NELL2: variants seen among roughly 807,000 people sequenced by gnomAD.
NELL2 encodes neural EGFL like 2.
A neutral mutation model predicts 109.6 loss-of-function variants in NELL2; 41 were observed. That is an observed-to-expected ratio of 0.37 (90% CI 0.29 to 0.49). The LOEUF (loss-of-function observed/expected upper bound fraction) is 0.49. Among genes scored for constraint, NELL2 ranks in the 20% least tolerant of loss-of-function variants. The pLI, the probability that NELL2 is intolerant of heterozygous loss-of-function variation, is 0.98. For missense variants in NELL2, 900 were observed against 1,008.3 expected (o/e 0.89, Z 1.45); for synonymous variants, 355 against 344.7 (o/e 1.03, Z -0.33).
At chr12:44,521,566 C>T (rs895231641) in intron 18 of NELL2, among the ~76,000 whole-genome samples, 2 of 149,380 alleles carry the variant, frequency 1.3e-5, no homozygotes, top group South Asian at 2.1e-4. Flanking sequence ...GTGGGGGAGG[C>T]GGAGTTGCTT....
At chr12:44,870,142 G>A (rs1945121602) in intron 2 of NELL2, among the ~76,000 whole-genome samples, 1 of 152,134 alleles carries the variant, frequency 6.6e-6, no homozygotes, top group Admixed American at 6.5e-5. Flanking sequence ...GCCCTCAATG[G>A]CAGTTCCTTC....
intron 13 of NELL2, among the ~76,000 whole-genome samples, chr12:44,634,226 G>C (rs1438313347): frequency 6.6e-6 from 1 of 151,954 alleles, no homozygotes; most frequent in Non-Finnish European, 1.5e-5. Context: ...AGAAGGTGCA[G>C]GTTTGTTACA....
chr12:44,763,379 T>C (rs928670888), intron 9 of NELL2, among the ~76,000 whole-genome samples: 1 of 152,174 alleles, frequency 6.6e-6, no homozygotes, highest in African/African-American at 2.4e-5. Flanking sequence ...AGCATGATGC[T>C]TACCCACAAA....
chr12:44,574,226 C>T (rs146263725), intron 15 of NELL2, among the ~76,000 whole-genome samples: 6 of 152,064 alleles, frequency 3.9e-5, no homozygotes, highest in Admixed American at 6.5e-5. Context: ...CTCAGTCTCC[C>T]GAGTAGCTGG....
chr12:44,635,826 C>A (rs1946618191), intron 13 of NELL2, among the ~76,000 whole-genome samples: 1 of 152,108 alleles, frequency 6.6e-6, no homozygotes, highest in Middle Eastern at 3.2e-3. Flanking sequence ...TGAAGAAAGT[C>A]AATTGTAGCT....
chr12:44,733,708 G>GT (rs1939493538), intron 9 of NELL2, among the ~76,000 whole-genome samples: 1 of 151,698 alleles, frequency 6.6e-6, no homozygotes, highest in South Asian at 2.1e-4. Context: ...CATATTATGT[G>GT]TTTTTTATCC....
In NELL2 at chr12:44,817,415, C is replaced by T. The variant is rs180886961; in HGVS notation, c.185-1279G>A. On this transcript the variant is annotated intron_variant, in intron 2 of 19. Transcript: ENST00000429094. ...GAGAGCACACAGACCTTGAGACACT[C>T]GTATAATAGAAGAAGGGACACCTAA... Among the ~76,000 whole-genome samples the T allele has an allele frequency of 1.7e-4, 26 of 152,226 alleles. No individual in the cohort carries two copies. In the East Asian group the frequency reaches 3.1e-3, roughly 18 times the overall value.
chr12:44,532,515 A>T (rs1354653379), intron 16 of NELL2, 66 bp downstream of exon 16: 38 of 1,502,816 alleles, frequency 2.5e-5, no homozygotes, highest in Non-Finnish European at 3.3e-5. Context: ...TTCTATTTAT[A>T]GCTTATGATA....
chr12:44,642,912 G>T (rs1203558994), intron 13 of NELL2, among the ~76,000 whole-genome samples: 2 of 152,112 alleles, frequency 1.3e-5, no homozygotes, highest in East Asian at 3.9e-4. Context: ...TTGTGAAGAG[G>T]TTAGATCTCG....
At chr12:44,852,467 G>T (rs1411449736) in intron 2 of NELL2, among the ~76,000 whole-genome samples, 1 of 152,188 alleles carries the variant, frequency 6.6e-6, no homozygotes, top group Non-Finnish European at 1.5e-5. Flanking sequence ...GTTACACACA[G>T]ATGGGAACAG....
intron 2 of NELL2, among the ~76,000 whole-genome samples, chr12:44,868,317 T>C (rs1285607686): frequency 6.6e-6 from 1 of 152,114 alleles, no homozygotes; most frequent in African/African-American, 2.4e-5. Flanking sequence ...TATGCTTTGG[T>C]CATGGATTCA....
intron 3 of NELL2, among the ~76,000 whole-genome samples, chr12:44,804,157 T>C (rs1476462964): frequency 6.6e-6 from 1 of 151,964 alleles, no homozygotes; most frequent in Non-Finnish European, 1.5e-5. Context: ...TCCTCAAGAA[T>C]GTGTCATCCC....
chr12:44,772,987 C>T (rs1361037473), intron 9 of NELL2, among the ~76,000 whole-genome samples: 3 of 152,080 alleles, frequency 2.0e-5, no homozygotes, highest in South Asian at 2.1e-4. Flanking sequence ...AGCATTAGTC[C>T]GATTTAGTCT....
At chr12:44,603,946 C>A (rs1048633945) in intron 15 of NELL2, among the ~76,000 whole-genome samples, 1 of 152,156 alleles carries the variant, frequency 6.6e-6, no homozygotes, top group South Asian at 2.1e-4. Flanking sequence ...CAATAATTTC[C>A]TTTCTAAGCT....
chr12:44,672,796 T>C (rs996469528), intron 12 of NELL2, among the ~76,000 whole-genome samples: 1 of 152,178 alleles, frequency 6.6e-6, no homozygotes, highest in Non-Finnish European at 1.5e-5. Flanking sequence ...TAAATTGGCC[T>C]TCTAAAAACT....
At chr12:44,778,777 T>A (rs1480111917) in intron 5 of NELL2, among the ~76,000 whole-genome samples, 1 of 152,208 alleles carries the variant, frequency 6.6e-6, no homozygotes, top group Admixed American at 6.5e-5. Flanking sequence ...TGACCCTGCA[T>A]CAAGACTAGC....
At chr12:44,680,384 C>A (rs1948457204) in intron 12 of NELL2, among the ~76,000 whole-genome samples, 1 of 152,126 alleles carries the variant, frequency 6.6e-6, no homozygotes, top group Non-Finnish European at 1.5e-5. Context: ...CATTTCTCCA[C>A]CACTACATTT....
intron 13 of NELL2, among the ~76,000 whole-genome samples, chr12:44,634,796 A>C (rs891605732): frequency 6.6e-6 from 1 of 152,170 alleles, no homozygotes; most frequent in Non-Finnish European, 1.5e-5. Flanking sequence ...CGAACAGTGT[A>C]AAAGCATTCC....
At chr12:44,650,796 T>A in intron 13 of NELL2, among the ~76,000 whole-genome samples, 1 of 151,974 alleles carries the variant, frequency 6.6e-6, no homozygotes, top group East Asian at 1.9e-4. Context: ...TGCCTGCTCC[T>A]AAAGGCCACA....
Sources: allele counts gnomAD v4.1 joint callset (sites outside exome capture counted in the v4.1 genomes callset), GRCh38; gene constraint gnomAD v4.1.1; transcripts MANE v1.5; gene names NCBI Gene and HGNC (gene_info 2026-07-23, HGNC 2026-07-21).